The following NPHP4 variants were observed in gnomAD, a reference collection of about 807,000 sequenced individuals.
NPHP4 encodes nephrocystin 4, also known as nephrocystin-4.
NPHP4 carries 151 observed loss-of-function variants against 155.8 expected under a neutral mutation model. The observed-to-expected ratio is 0.97, with a 90% CI of 0.85 to 1.11. The LOEUF (loss-of-function observed/expected upper bound fraction) is 1.11, where lower values mean the gene tolerates loss of function less well. Among genes scored for constraint, NPHP4 ranks in the 50% least tolerant of loss-of-function variants. NPHP4 has a pLI of 0.00. For synonymous variants in NPHP4, 845 were observed against 816.8 expected, an observed-to-expected ratio of 1.03 and a Z score of -0.59; for missense variants, 1,956 against 1,925.7, an observed-to-expected ratio of 1.02 and a Z score of -0.29.
At chr1:5,900,890 G>A (rs193069982) in intron 16 of NPHP4, among the ~76,000 whole-genome samples, 1 of 152,202 alleles carries the variant, frequency 6.6e-6, no homozygotes, top group African/African-American at 2.4e-5. Flanking sequence ...AAAAATATTA[G>A]TTGGGCATGG....
intron 16 of NPHP4, among the ~76,000 whole-genome samples, chr1:5,895,514 C>T (rs1330560657): frequency 6.6e-6 from 1 of 152,014 alleles, no homozygotes; most frequent in Non-Finnish European, 1.5e-5. Context: ...AGAAACAAAA[C>T]AAAACACAAC....
chr1:5,969,026 CAAAAAA>C, intron 4 of NPHP4, 55 bp downstream of exon 4: 1 of 942,358 alleles, frequency 1.1e-6, no homozygotes, highest in Non-Finnish European at 1.5e-6. Flanking sequence ...GAATCTGTCT[CAAAAAA>C]AAAAAAAAAG....
intron 23 of NPHP4, among the ~76,000 whole-genome samples, chr1:5,870,240 G>A (rs1451061133): frequency 2.0e-5 from 3 of 152,224 alleles, no homozygotes; most frequent in African/African-American, 7.2e-5. Context: ...GAGGACAGGG[G>A]TGAATCAACA....
intron 11 of NPHP4, among the ~76,000 whole-genome samples, chr1:5,911,575 T>A (rs1435792564): frequency 6.6e-6 from 1 of 152,130 alleles, no homozygotes; most frequent in Admixed American, 6.5e-5. Context: ...GTGTGGAAAG[T>A]TTTTTCAAGT....
At chr1:5,934,866 G>T (rs869107) in intron 9 of NPHP4, among the ~76,000 whole-genome samples, 6 of 152,018 alleles carry the variant, frequency 3.9e-5, no homozygotes, top group South Asian at 4.1e-4. Context: ...GAGCGAAGGA[G>T]GAGGCAAGAC....
At chr1:5,938,705 T>C (rs1368115425) in intron 9 of NPHP4, among the ~76,000 whole-genome samples, 3 of 152,272 alleles carry the variant, frequency 2.0e-5, no homozygotes, top group Non-Finnish European at 4.4e-5. Context: ...CTCATTTAAT[T>C]TTACATAAAC....
rs1646361571 is a variant in NPHP4, at chr1:5,933,127, A to G, written c.1302+20T>C. On this transcript the variant is annotated intron_variant, in intron 10 of 29. Transcript: ENST00000378156. Reference sequence around the variant, plus strand: ...GCTAGAAGCTCACCGGAGATGCATAAGAAATACCTAATAATTTACCTCTTC... The same window carrying G: ...GCTAGAAGCTCACCGGAGATGCATAGGAAATACCTAATAATTTACCTCTTC... 6.7e-7 allele frequency: 1 copy of G among 1,501,974 alleles called. No individual in the cohort carries two copies. The highest frequency in any genetic ancestry group is 9.0e-7 in the Non-Finnish European group (1 of 1,116,174). The allele number at this position is 1,501,974 out of a possible 1,614,324, so 93.0% of individuals were successfully genotyped here. A position where few individuals can be genotyped will look rare whatever the true frequency, so the allele number is the denominator to read the frequency against.
At chr1:5,991,966 A>G (rs1656434649) in intron 1 of NPHP4, among the ~76,000 whole-genome samples, 1 of 151,154 alleles carries the variant, frequency 6.6e-6, no homozygotes, top group African/African-American at 2.4e-5. Flanking sequence ...GCAAAGGGCA[A>G]GGGCAGAAAG....
In NPHP4 at chr1:5,869,122, C is replaced by T. The variant is rs533785443; in HGVS notation, c.3316-1226G>A. 5.5e-3 allele frequency among the ~76,000 whole-genome samples: 719 copies of T among 131,656 alleles called. 10 individuals are homozygous for T. Among genetic ancestry groups the T allele is most frequent in the African/African-American group, 0.012 (439 of 37,844 alleles). 86.4% of individuals were successfully genotyped at this position (131,656 alleles called of 152,430 possible). Reference sequence around the variant, plus strand: ...ACATGCATGCACCCACATGCACACACGCACAATGCACACATATCCGCCCAC... The same window carrying T: ...ACATGCATGCACCCACATGCACACATGCACAATGCACACATATCCGCCCAC... On this transcript the variant is annotated intron_variant, in intron 23 of 29. Transcript: ENST00000378156.
At chr1:5,911,869 C>T (rs959870854) in intron 11 of NPHP4, among the ~76,000 whole-genome samples, 1 of 152,324 alleles carries the variant, frequency 6.6e-6, no homozygotes, top group African/African-American at 2.4e-5. Context: ...CAGAGGACAG[C>T]GCGGCCGCCA....
At chr1:5,917,680 T>C (rs1033250636) in intron 11 of NPHP4, among the ~76,000 whole-genome samples, 5 of 152,244 alleles carry the variant, frequency 3.3e-5, no homozygotes, top group African/African-American at 9.6e-5. Context: ...TACAGATGAA[T>C]GAAACAGTCC....
chr1:5,873,381 A>T (rs1215827391), intron 22 of NPHP4, 46 bp from the exon 23 acceptor site: 2 of 1,494,780 alleles, frequency 1.3e-6, no homozygotes, highest in South Asian at 2.3e-5. Flanking sequence ...CAACACCATT[A>T]GGCGACCAGC....
intron 11 of NPHP4, among the ~76,000 whole-genome samples, chr1:5,914,621 A>C (rs963507463): frequency 1.3e-5 from 2 of 152,124 alleles, no homozygotes; most frequent in Non-Finnish European, 2.9e-5. Context: ...ACATGTTTTC[A>C]CCACCTTTAC....
intron 3 of NPHP4, among the ~76,000 whole-genome samples, chr1:5,972,278 T>C (rs1652707174): frequency 6.6e-6 from 1 of 152,252 alleles, no homozygotes; most frequent in Admixed American, 6.5e-5. Flanking sequence ...ATGCAGTTCC[T>C]ACCCTCTGGC....
chr1:5,982,904 G>A (rs926493111), intron 2 of NPHP4, among the ~76,000 whole-genome samples: 18 of 152,164 alleles, frequency 1.2e-4, no homozygotes, highest in Non-Finnish European at 2.4e-4. Flanking sequence ...TGGGTCCTTT[G>A]AAGCTTATTG....
chr1:5,888,495 C>A, intron 17 of NPHP4: 1 of 1,260,132 alleles, frequency 7.9e-7, no homozygotes, highest in Non-Finnish European at 1.0e-6. Context: ...GGCTTCCGGT[C>A]GCCGCAGACC....
intron 18 of NPHP4, among the ~76,000 whole-genome samples, chr1:5,886,059 G>C (rs1257027068): frequency 1.3e-5 from 2 of 152,226 alleles, no homozygotes; most frequent in Non-Finnish European, 2.9e-5. Flanking sequence ...TTCTTCTGAA[G>C]ATAAGATTTT....
intron 5 of NPHP4, among the ~76,000 whole-genome samples, chr1:5,964,939 A>ATTTTTTTTTTTTTTTTTTTTTTT (rs1232148646): frequency 3.2e-5 from 2 of 62,706 alleles, no homozygotes; most frequent in East Asian, 3.7e-4. Flanking sequence ...ATATATATAT[A>ATTTTTTTTTTTTTTTTTTTTTTT]TATTTTTTTT....
chr1:5,962,812 T>C (rs1570658922), intron 5 of NPHP4, among the ~76,000 whole-genome samples: 1 of 152,194 alleles, frequency 6.6e-6, no homozygotes, highest in African/African-American at 2.4e-5. Flanking sequence ...GCCCTGAAGG[T>C]AGAAGGAACA....
Sources: gnomAD v4.1 joint callset for allele counts (sites outside exome capture counted in the v4.1 genomes callset) on GRCh38, gnomAD v4.1.1 for gene constraint, MANE v1.5 for transcripts, NCBI Gene and HGNC (gene_info 2026-07-23, HGNC 2026-07-21) for gene names.